UCHL1: variants seen among roughly 807,000 people sequenced by gnomAD.
UCHL1 encodes the protein ubiquitin C-terminal hydrolase L1.
Under a neutral mutation model 33.3 loss-of-function variants are expected in UCHL1, and 5 were observed. That is an observed-to-expected ratio of 0.15 (90% CI 0.08 to 0.32). The LOEUF (loss-of-function observed/expected upper bound fraction) is 0.32, where lower values mean the gene tolerates loss of function less well. Among genes scored for constraint, UCHL1 ranks in the 10% least tolerant of loss-of-function variants. The probability of loss-of-function intolerance (pLI) is 1.00; values close to 1 mark genes in which losing one functional copy is unlikely to be tolerated. For missense variants in UCHL1, 236 were observed against 280.0 expected (o/e 0.84, Z 1.12); for synonymous variants, 132 against 108.8 (o/e 1.21, Z -1.33).
chr4:41,266,226 C>CGTTTTTTTTTTTT (rs1554005212), intron 8 of UCHL1, among the ~76,000 whole-genome samples: 2 of 136,780 alleles, frequency 1.5e-5, no homozygotes, highest in African/African-American at 5.6e-5. Flanking sequence ...CTGGCTAAAA[C>CGTTTTTTTTTTTT]TTTTTTTTTT....
In UCHL1 at chr4:41,257,716, G is replaced by C; in HGVS notation, c.153G>C (p.Leu51=). ...CAGCGCCTGCCTGCGCGCTGCTGCTGCTGTTTCCCCTCACGGCCCAGGTAG... is the reference window on the plus strand; with the variant it reads ...CAGCGCCTGCCTGCGCGCTGCTGCTCCTGTTTCCCCTCACGGCCCAGGTAG... ...SVPAPACALL[L]LFPLTAQHEN... The change falls in exon 3 of 9, where the codon CTG becomes CTC. Residue 51 remains leucine, a synonymous_variant. Transcript: ENST00000284440. The C allele has an allele frequency of 1.3e-6, 2 of 1,581,384 alleles. No homozygotes were observed. The highest frequency in any genetic ancestry group is 2.3e-5 in the East Asian group (1 of 43,290).
At chr4:41,265,179 C>T (rs889556727) in intron 8 of UCHL1, among the ~76,000 whole-genome samples, 3 of 152,054 alleles carry the variant, frequency 2.0e-5, no homozygotes, top group Admixed American at 6.6e-5. Flanking sequence ...TTATAGAAAT[C>T]CTTTAATGAC....
chr4:41,257,192 G>T, intron 2 of UCHL1, 66 bp downstream of exon 2: 2 of 1,609,684 alleles, frequency 1.2e-6, no homozygotes, highest in African/African-American at 1.3e-5. Flanking sequence ...GGCGCCCACC[G>T]GTTCCGGCTG....
In UCHL1 at chr4:41,260,808, G is replaced by A. The variant is rs745686726; in HGVS notation, c.325+11G>A. The A allele has an allele frequency of 2.5e-6, 4 of 1,614,110 alleles. No homozygotes were observed. Among genetic ancestry groups the A allele is most frequent in the Non-Finnish European group, 3.4e-6 (4 of 1,179,996 alleles). On this transcript the variant is annotated intron_variant, in intron 4 of 8. Transcript: ENST00000284440. ...ACAAACTGGGATTTGGTAGGTGTGG[G>A]TTTTGAGGCCAGCCATCCTAAGCTT...
At chr4:41,258,563 A>G (rs1781020961) in intron 3 of UCHL1, among the ~76,000 whole-genome samples, 1 of 152,138 alleles carries the variant, frequency 6.6e-6, no homozygotes, top group Non-Finnish European at 1.5e-5. Context: ...AATCCCAGTC[A>G]TTAGCGCATG....
At position 41,257,132 on chromosome 4, in the gene UCHL1, T is replaced by C. The variant is rs11556273; in HGVS notation, c.45+6T>C. 0.066 allele frequency: 106,118 copies of C among 1,612,630 alleles called. 3,993 individuals carry two copies. Among genetic ancestry groups the C allele is most frequent in the Middle Eastern group, 0.1 (519 of 5,172 alleles). ...CCTTTCAGATGCTGAACAAAGTGAG[T>C]GGCGTCTCGCGCCGTCTCTGGCCCC... On this transcript the variant is annotated splice_donor_region_variant and intron_variant, in intron 2 of 8. Transcript: ENST00000284440.
At chr4:41,262,464 G>A (rs978239569) in intron 6 of UCHL1, among the ~76,000 whole-genome samples, 7 of 152,140 alleles carry the variant, frequency 4.6e-5, no homozygotes, top group Non-Finnish European at 8.8e-5. Flanking sequence ...GTCTTATAGA[G>A]TGTACACCTC....
chr4:41,262,099 C>G (rs1012642269), intron 6 of UCHL1, among the ~76,000 whole-genome samples, 176 bp downstream of exon 6: 1 of 152,154 alleles, frequency 6.6e-6, no homozygotes, highest in African/African-American at 2.4e-5. Context: ...AAAAAGTTTT[C>G]TTCAGAAATT....
At chr4:41,264,758 T>C (rs527838330) in intron 8 of UCHL1, among the ~76,000 whole-genome samples, 2 of 152,324 alleles carry the variant, frequency 1.3e-5, no homozygotes, top group South Asian at 4.1e-4. Context: ...CACTAAAAAA[T>C]GAGCCTCTAG....
intron 8 of UCHL1, among the ~76,000 whole-genome samples, chr4:41,266,118 C>T (rs1432872209): frequency 6.6e-6 from 1 of 151,842 alleles, no homozygotes; most frequent in Non-Finnish European, 1.5e-5. Context: ...GGGAGGGACT[C>T]ACTATGTTGC....
chr4:41,261,959 G>T, intron 6 of UCHL1, 36 bp downstream of exon 6: 1 of 1,610,408 alleles, frequency 6.2e-7, no homozygotes, highest in Non-Finnish European at 8.5e-7. Context: ...AGGCTGCCTG[G>T]GTGCCATCTG....
rs56237612 is a variant in UCHL1 at position 41,263,684 on chromosome 4, C to T, written c.526+393C>T. Reference sequence around the variant, plus strand: ...GGAGAAAGACTTGTAACTCTTGTCTCAAGCCAAGATACGACCTACAGGCTT... The same window carrying T: ...GGAGAAAGACTTGTAACTCTTGTCTTAAGCCAAGATACGACCTACAGGCTT... On this transcript the variant is annotated intron_variant, in intron 7 of 8. Coordinates refer to ENST00000284440, the MANE Select transcript of UCHL1 (RefSeq NM_004181.5). 3.7e-3 allele frequency among the ~76,000 whole-genome samples: 557 copies of T among 152,324 alleles called. 1 individual carries two copies. The highest frequency in any genetic ancestry group is 0.013 in the African/African-American group (541 of 41,578).
chr4:41,262,846 G>GAT (rs1781094596), intron 6 of UCHL1, among the ~76,000 whole-genome samples: 1 of 152,118 alleles, frequency 6.6e-6, no homozygotes, highest in Non-Finnish European at 1.5e-5. Flanking sequence ...GAGCTCAAGT[G>GAT]ATCTGCCTGC....
intron 3 of UCHL1, among the ~76,000 whole-genome samples, chr4:41,257,966 G>A (rs1781010272): frequency 6.6e-6 from 1 of 152,252 alleles, no homozygotes; most frequent in South Asian, 2.1e-4. Context: ...ATTTGGAAGA[G>A]AGGCAGTATC....
intron 2 of UCHL1, chr4:41,257,336 C>T (rs971624183): frequency 5.2e-6 from 5 of 960,056 alleles, no homozygotes; most frequent in African/African-American, 5.2e-5. Context: ...GAGGGGGCTG[C>T]GCCCCGTGGC....
At chr4:41,261,988 G>T in intron 6 of UCHL1, 65 bp downstream of exon 6, 3 of 1,592,180 alleles carry the variant, frequency 1.9e-6, no homozygotes, top group Non-Finnish European at 2.6e-6. Context: ...CTGAAATTGT[G>T]CAGGAATCTC....
chr4:41,262,344 G>A (rs1248481668), intron 6 of UCHL1, among the ~76,000 whole-genome samples: 1 of 152,106 alleles, frequency 6.6e-6, no homozygotes, highest in African/African-American at 2.4e-5. Flanking sequence ...CACTTGGGAG[G>A]CTGAGGTGGG....
chr4:41,265,215 C>T (rs1205276547), intron 8 of UCHL1, among the ~76,000 whole-genome samples: 3 of 152,214 alleles, frequency 2.0e-5, no homozygotes, highest in Admixed American at 2.0e-4. Flanking sequence ...TTATCCCCAT[C>T]TCAGAGCTGA....
intron 8 of UCHL1, among the ~76,000 whole-genome samples, chr4:41,267,266 C>T (rs941644059): frequency 6.6e-6 from 1 of 151,312 alleles, no homozygotes; most frequent in Admixed American, 6.6e-5. Flanking sequence ...TTTTCTGAGA[C>T]GGAGTCTCGC....
Sources: gnomAD v4.1 joint callset for allele counts (sites outside exome capture counted in the v4.1 genomes callset) on GRCh38, gnomAD v4.1.1 for gene constraint, MANE v1.5 for transcripts, NCBI Gene and HGNC (gene_info 2026-07-23, HGNC 2026-07-21) for gene names.